The following MARK4 variants were observed in gnomAD, a reference collection of about 807,000 sequenced individuals.
MARK4 encodes the protein MAP/microtubule affinity-regulating kinase 4.
Under a neutral mutation model 81.5 loss-of-function variants are expected in MARK4, and 19 were observed. That is an observed-to-expected ratio of 0.23 (90% CI 0.16 to 0.34). The LOEUF (loss-of-function observed/expected upper bound fraction) is 0.34, where lower values mean the gene tolerates loss of function less well. Among genes scored for constraint, MARK4 ranks in the 10% least tolerant of loss-of-function variants. The pLI is 1.00. For synonymous variants in MARK4, 436 were observed against 439.0 expected, an observed-to-expected ratio of 0.99 and a Z score of 0.08; for missense variants, 772 against 1,058.8, an observed-to-expected ratio of 0.73 and a Z score of 3.76.
chr19:45,268,512 A>C (rs763751914), intron 7 of MARK4, among the ~76,000 whole-genome samples: 8 of 151,174 alleles, frequency 5.3e-5, no homozygotes, highest in Non-Finnish European at 1.2e-4. Flanking sequence ...TGAACCTGGG[A>C]GGTGGAGGTT....
At chr19:45,259,401 G>A (rs948402287) in intron 2 of MARK4, among the ~76,000 whole-genome samples, 1 of 152,132 alleles carries the variant, frequency 6.6e-6, no homozygotes, top group Non-Finnish European at 1.5e-5. Context: ...TGAAATTGCC[G>A]GGAAATCTCA....
At chr19:45,276,622 A>ATTT (rs764253527) in intron 8 of MARK4, among the ~76,000 whole-genome samples, 2 of 123,632 alleles carry the variant, frequency 1.6e-5, no homozygotes, top group African/African-American at 3.0e-5. Flanking sequence ...CATTTTACAG[A>ATTT]TTTTTTTTTT....
intron 12 of MARK4, among the ~76,000 whole-genome samples, chr19:45,281,751 C>A (rs1382620436): frequency 6.6e-6 from 1 of 152,094 alleles, no homozygotes; most frequent in African/African-American, 2.4e-5. Flanking sequence ...TTGAATTAAT[C>A]CATTGTAACT....
In MARK4 at chr19:45,287,673, C is replaced by CCAGGGCTGGGGGG. The variant is rs1568500741; in HGVS notation, c.1494+22_1494+34dup. ...ACAGCACGAGCACCCCCGTGAGTGACCAGGGCTGGGGGGCAGGGCTGGGGG... is the reference window on the plus strand; with the variant it reads ...ACAGCACGAGCACCCCCGTGAGTGACCAGGGCTGGGGGGCAGGGCTGGGGGGCAGGGCTGGGGG... On this transcript the variant is annotated intron_variant, in intron 13 of 16. Coordinates refer to ENST00000262891, the MANE Select transcript of MARK4 (RefSeq NM_001199867.2). The CCAGGGCTGGGGGG allele has an allele frequency of 1.2e-6, 2 of 1,602,978 alleles. No homozygotes were observed.
At position 45,263,301 on chromosome 19, in the gene MARK4, CT is replaced by C; in HGVS notation, c.307-15del. 1 of 1,614,186 alleles carries C rather than the reference CT, an allele frequency of 6.2e-7. No homozygotes were observed. Among genetic ancestry groups the C allele is most frequent in the East Asian group, 2.2e-5 (1 of 44,882 alleles). ...CCCACCCTCACTCTCCTCTGTCTTC[CT>C]TTCTGGCCACGCCCAGCTGTTCCGA... On this transcript the variant is annotated splice_polypyrimidine_tract_variant and intron_variant, in intron 3 of 16. Coordinates refer to ENST00000262891, the MANE Select transcript of MARK4 (RefSeq NM_001199867.2).
At chr19:45,283,631 A>C (rs966982530) in intron 12 of MARK4, among the ~76,000 whole-genome samples, 1 of 152,156 alleles carries the variant, frequency 6.6e-6, no homozygotes, top group Non-Finnish European at 1.5e-5. Flanking sequence ...TTTCATTGGC[A>C]AGTAATATTC....
intron 9 of MARK4, 56 bp downstream of exon 9, chr19:45,278,098 C>G (rs971990468): frequency 6.9e-6 from 11 of 1,599,390 alleles, no homozygotes; most frequent in Admixed American, 3.5e-5. Flanking sequence ...CTCCCCTAAA[C>G]TCTGCCTGCC....
chr19:45,276,384 T>G (rs1371149765), intron 8 of MARK4, among the ~76,000 whole-genome samples: 1 of 152,084 alleles, frequency 6.6e-6, no homozygotes, highest in Non-Finnish European at 1.5e-5. Context: ...AGCTATGGAT[T>G]TATCTTATTT....
At chr19:45,291,803 C>T (rs577358220) in intron 13 of MARK4, among the ~76,000 whole-genome samples, 6 of 152,084 alleles carry the variant, frequency 3.9e-5, no homozygotes, top group Admixed American at 1.3e-4. Flanking sequence ...AAACAAAAAA[C>T]CACATTGTCA....
chr19:45,251,537 G>T lies in MARK4; in HGVS notation c.-52G>T, dbSNP rs1568487671. ...GGGGAGGGGAAGAGAGGGGACCCTG[G>T]GACCCCCGCCCCCCCCACCCGGCCG... is the stretch of plus-strand genomic sequence containing the variant. On this transcript the variant is annotated 5_prime_UTR_variant, in exon 1 of 17. Transcript: ENST00000262891. 12 of 559,450 alleles carry T rather than the reference G, an allele frequency of 2.1e-5. No individual in the cohort carries two copies. In the South Asian group the frequency reaches 2.5e-4, roughly 12 times the overall value. The allele number at this position is 559,450 out of a possible 1,614,324, so 34.7% of individuals were successfully genotyped here.
chr19:45,255,837 A>T (rs1970300676), intron 1 of MARK4, among the ~76,000 whole-genome samples: 4 of 152,248 alleles, frequency 2.6e-5, no homozygotes, highest in South Asian at 4.1e-4. Flanking sequence ...CCGGAAGGGC[A>T]CAGGCAGAAC....
intron 12 of MARK4, 127 bp downstream of exon 12, chr19:45,280,861 T>C: frequency 7.5e-7 from 1 of 1,339,878 alleles, no homozygotes; most frequent in Non-Finnish European, 1.0e-6. Context: ...GAGGGAGGAA[T>C]GTCTTATAAA....
At chr19:45,301,253 A>G (rs1265193810) in intron 16 of MARK4, among the ~76,000 whole-genome samples, 1 of 152,108 alleles carries the variant, frequency 6.6e-6, no homozygotes, top group African/African-American at 2.4e-5. Context: ...ACTGCATTGC[A>G]AGACCCTGTC....
rs1160662525 is a variant in MARK4, at chr19:45,297,756, C to T, written c.1679C>T (p.Ala560Val). ...CCATCAGGGGAGCGGAGCCGCCTGG[C>T]ACGTGGTTCCACCATCCGCAGCACC... ...APPSGERSRL[A>V]RGSTIRSTFH... The change falls in exon 15 of 17, where the codon GCA (alanine) becomes GTA (valine). Residue 560 changes from alanine to valine, a missense_variant. Ala to Val is a moderately conservative substitution (Grantham distance 64). Transcript: ENST00000262891. 2 of 1,579,816 alleles carry T rather than the reference C, an allele frequency of 1.3e-6. No individual in the cohort carries two copies. The highest frequency in any genetic ancestry group is 1.8e-5 in the Admixed American group (1 of 54,868).
intron 14 of MARK4, among the ~76,000 whole-genome samples, chr19:45,294,987 C>A (rs1970867886): frequency 6.6e-6 from 1 of 152,136 alleles, no homozygotes; most frequent in Admixed American, 6.6e-5. Context: ...AGGGCACACT[C>A]TGGGATGCAC....
chr19:45,298,181 G>A (rs369073915), intron 15 of MARK4: 5 of 1,613,716 alleles, frequency 3.1e-6, no homozygotes, highest in African/African-American at 2.7e-5. Flanking sequence ...AACTCTAACC[G>A]CTGTGTTTCG....
At chr19:45,284,857 G>T (rs566330956) in intron 12 of MARK4, among the ~76,000 whole-genome samples, 17 of 152,224 alleles carry the variant, frequency 1.1e-4, no homozygotes, top group Non-Finnish European at 1.9e-4. Context: ...TTGGGAGGCC[G>T]AGCTGGGTGG....
intron 7 of MARK4, among the ~76,000 whole-genome samples, chr19:45,270,682 C>T (rs1970515265): frequency 6.6e-6 from 1 of 152,290 alleles, no homozygotes; most frequent in South Asian, 2.1e-4. Context: ...TCAGTGCAAC[C>T]TCTGCCTCCC....
intron 6 of MARK4, among the ~76,000 whole-genome samples, chr19:45,265,184 G>A (rs1970435197): frequency 6.6e-6 from 1 of 152,180 alleles, no homozygotes; most frequent in Admixed American, 6.5e-5. Context: ...GGGCATGTGG[G>A]TGTGCCCAGC....
Sources: gnomAD v4.1 joint callset for allele counts (sites outside exome capture counted in the v4.1 genomes callset) on GRCh38, gnomAD v4.1.1 for gene constraint, MANE v1.5 for transcripts, NCBI Gene and HGNC (gene_info 2026-07-23, HGNC 2026-07-21) for gene names.